FRMD6: variants seen among roughly 807,000 people sequenced by gnomAD.
FRMD6 encodes FERM domain-containing protein 6.
In FRMD6, 37 loss-of-function variants were observed where a neutral mutation model predicts 73.2. That is an observed-to-expected ratio of 0.51 (90% CI 0.39 to 0.66). The LOEUF is 0.66. FRMD6 is among the 30% of genes least tolerant of loss of function. The pLI, the probability that FRMD6 is intolerant of heterozygous loss-of-function variation, is 0.00. For missense variants in FRMD6, 714 were observed against 780.5 expected, an observed-to-expected ratio of 0.91 and a Z score of 1.02; for synonymous variants, 273 against 282.2, an observed-to-expected ratio of 0.97 and a Z score of 0.33.
the FRMD6 span, among the ~76,000 whole-genome samples, chr14:51,412,159 G>A: frequency 6.6e-6 from 1 of 151,958 alleles, no homozygotes; most frequent in East Asian, 1.9e-4. Flanking sequence ...CTTTTTGTCG[G>A]AGGCTAACAT....
At chr14:51,460,093 G>C in the FRMD6 span, among the ~76,000 whole-genome samples, 1 of 151,934 alleles carries the variant, frequency 6.6e-6, no homozygotes, top group Non-Finnish European at 1.5e-5. Flanking sequence ...CATGTATAAT[G>C]TGTTTATTCA....
At chr14:51,551,778 A>G (rs1436432865) in intron 1 of FRMD6, among the ~76,000 whole-genome samples, 2 of 151,926 alleles carry the variant, frequency 1.3e-5, no homozygotes, top group African/African-American at 4.8e-5. Flanking sequence ...TATATGTAAT[A>G]CATTTTATAC....
chr14:51,457,682 C>T, the FRMD6 span, among the ~76,000 whole-genome samples: 1 of 152,172 alleles, frequency 6.6e-6, no homozygotes, highest in Non-Finnish European at 1.5e-5. Context: ...CATGGTAGCA[C>T]TTCGCTGTAA....
intron 1 of FRMD6, among the ~76,000 whole-genome samples, chr14:51,519,282 G>A (rs996724450): frequency 3.3e-5 from 5 of 149,814 alleles, no homozygotes; most frequent in Non-Finnish European, 5.9e-5. Context: ...TTCCTGTCTC[G>A]ACCTCCCAAG....
At chr14:51,468,026 A>G in the FRMD6 span, among the ~76,000 whole-genome samples, 2 of 152,134 alleles carry the variant, frequency 1.3e-5, no homozygotes, top group African/African-American at 4.8e-5. Flanking sequence ...AGCGAGACTC[A>G]GTCTGCAATC....
At chr14:51,602,014 G>A (rs1026567369) in intron 2 of FRMD6, among the ~76,000 whole-genome samples, 9 of 151,984 alleles carry the variant, frequency 5.9e-5, no homozygotes, top group African/African-American at 2.2e-4. Flanking sequence ...TGAAGAGCTG[G>A]GTATCCAGCC....
At chr14:51,624,081 CA>C (rs1891030472) in intron 2 of FRMD6, among the ~76,000 whole-genome samples, 1 of 151,210 alleles carries the variant, frequency 6.6e-6, no homozygotes, top group Non-Finnish European at 1.5e-5. Flanking sequence ...TTCTCACTTA[CA>C]ATTGGGAGAT....
intron 1 of FRMD6, among the ~76,000 whole-genome samples, chr14:51,669,747 G>T (rs988675037): frequency 6.6e-6 from 1 of 152,122 alleles, no homozygotes; most frequent in Middle Eastern, 3.2e-3. Flanking sequence ...TCTTTAATCA[G>T]ATATGGTTTC....
At chr14:51,720,486 C>A in intron 11 of FRMD6, 96 bp downstream of exon 11, 1 of 1,090,268 alleles carries the variant, frequency 9.2e-7, no homozygotes, top group Non-Finnish European at 1.4e-6. Flanking sequence ...CAACTTTAGG[C>A]AGTAGTAATA....
At chr14:51,636,473 G>T (rs1258095239) in intron 2 of FRMD6, among the ~76,000 whole-genome samples, 3 of 152,116 alleles carry the variant, frequency 2.0e-5, no homozygotes, top group Non-Finnish European at 4.4e-5. Context: ...ACTAAATTGC[G>T]CTGGCTGGGC....
At chr14:51,654,898 C>G (rs1356732695) in intron 1 of FRMD6, among the ~76,000 whole-genome samples, 1 of 152,108 alleles carries the variant, frequency 6.6e-6, no homozygotes, top group Non-Finnish European at 1.5e-5. Context: ...TTCATTAATA[C>G]AAACCTCATA....
chr14:51,721,975 C>G lies in FRMD6; in HGVS notation c.1387C>G (p.Arg463Gly), dbSNP rs150840333. 2 of 1,614,074 alleles carry G rather than the reference C, an allele frequency of 1.2e-6. No homozygotes were observed. Among genetic ancestry groups the G allele is most frequent in the Non-Finnish European group, 8.5e-7 (1 of 1,179,994 alleles). Residue 463 changes from arginine to glycine, a missense_variant, in exon 12 of 14, where the codon CGG becomes GGG. Physicochemically the swap from Arg to Gly is moderately radical, Grantham distance 125. Coordinates refer to ENST00000344768, the MANE Select transcript of FRMD6 (RefSeq NM_001267046.2). ...DEIEMLVDDPRDLEQMNEESL... is the reference protein window; with the variant it reads ...DEIEMLVDDPGDLEQMNEESL... Reference sequence around the variant, plus strand: ...AATAGAGATGTTGGTTGATGACCCCCGGGATCTGGAGCAGATGAATGAAGA... The same window carrying G: ...AATAGAGATGTTGGTTGATGACCCCGGGGATCTGGAGCAGATGAATGAAGA...
At chr14:51,549,956 A>G (rs1316928965) in intron 1 of FRMD6, among the ~76,000 whole-genome samples, 1 of 152,174 alleles carries the variant, frequency 6.6e-6, no homozygotes, top group Admixed American at 6.5e-5. Flanking sequence ...CCCTGCCCCC[A>G]GCACATGTCC....
chr14:51,567,082 C>T (rs970525463), intron 1 of FRMD6, among the ~76,000 whole-genome samples: 2 of 152,106 alleles, frequency 1.3e-5, no homozygotes, highest in African/African-American at 4.8e-5. Context: ...AGTTAGTGCC[C>T]CATCTGAAGG....
At chr14:51,582,376 C>T (rs541816266) in intron 2 of FRMD6, among the ~76,000 whole-genome samples, 1 of 152,344 alleles carries the variant, frequency 6.6e-6, no homozygotes, top group East Asian at 1.9e-4. Flanking sequence ...TCCTTGTGAT[C>T]ATCACTCAAG....
At chr14:51,440,006 T>C in the FRMD6 span, among the ~76,000 whole-genome samples, 2 of 152,220 alleles carry the variant, frequency 1.3e-5, no homozygotes, top group Admixed American at 1.3e-4. Context: ...CTTGGCATTA[T>C]GCTAATGTAT....
chr14:51,420,598 A>T, the FRMD6 span, among the ~76,000 whole-genome samples: 4 of 152,206 alleles, frequency 2.6e-5, no homozygotes, highest in Non-Finnish European at 5.9e-5. Flanking sequence ...AAAAAAATGG[A>T]TGCTTGCATT....
intron 2 of FRMD6, among the ~76,000 whole-genome samples, chr14:51,612,858 T>C (rs1274444016): frequency 6.6e-6 from 1 of 152,174 alleles, no homozygotes; most frequent in Non-Finnish European, 1.5e-5. Flanking sequence ...AAATTCAATA[T>C]AACATGATAG....
chr14:51,636,093 G>A (rs986077345), intron 2 of FRMD6, among the ~76,000 whole-genome samples: 3 of 152,200 alleles, frequency 2.0e-5, no homozygotes, highest in Admixed American at 6.5e-5. Context: ...TAGGGACTTA[G>A]GAGCAGAAGT....
Sources: allele counts gnomAD v4.1 joint callset (sites outside exome capture counted in the v4.1 genomes callset), GRCh38; gene constraint gnomAD v4.1.1; transcripts MANE v1.5; gene names NCBI Gene and HGNC (gene_info 2026-07-23, HGNC 2026-07-21).